The following SLC25A26 variants were observed in gnomAD, a reference collection of about 807,000 sequenced individuals.
The protein encoded by SLC25A26 is mitochondrial S-adenosylmethionine carrier protein.
SLC25A26 carries 36 observed loss-of-function variants against 37.8 expected under a neutral mutation model. The observed-to-expected ratio is 0.95, with a 90% CI of 0.73 to 1.26. The LOEUF (loss-of-function observed/expected upper bound fraction) is 1.26. SLC25A26 is among the 50% of genes most tolerant of loss of function. The probability of loss-of-function intolerance (pLI) is 0.00; values close to 1 mark genes in which losing one functional copy is unlikely to be tolerated. For synonymous variants in SLC25A26, 129 were observed against 122.5 expected (o/e 1.05, Z -0.35); for missense variants, 390 against 331.1 (o/e 1.18, Z -1.38).
chr3:66,306,568 C>T (rs989318271), intron 5 of SLC25A26, among the ~76,000 whole-genome samples: 27 of 152,068 alleles, frequency 1.8e-4, no homozygotes, highest in Admixed American at 6.6e-4. Context: ...TATACATGTG[C>T]CATGGTGGTT....
At chr3:66,360,546 A>G (rs138488590) in intron 6 of SLC25A26, among the ~76,000 whole-genome samples, 6 of 152,362 alleles carry the variant, frequency 3.9e-5, no homozygotes, top group African/African-American at 1.4e-4. Context: ...GCAAGGCTGC[A>G]GAATACAAGA....
intron 5 of SLC25A26, among the ~76,000 whole-genome samples, chr3:66,318,328 G>GATCTGTGGATTGCAAGA (rs1163284879): frequency 6.6e-6 from 1 of 152,194 alleles, no homozygotes; most frequent in Non-Finnish European, 1.5e-5. Context: ...GGGACCTGCT[G>GATCTGTGGATTGCAAGA]ATCTGTGGAT....
intron 1 of SLC25A26, among the ~76,000 whole-genome samples, chr3:66,150,128 T>A (rs1297325456): frequency 6.6e-6 from 1 of 152,046 alleles, no homozygotes; most frequent in Non-Finnish European, 1.5e-5. Context: ...AACCAGAAGA[T>A]CTAAAGGTAC....
At chr3:66,374,887 AAATT>A (rs745813034) in intron 9 of SLC25A26, among the ~76,000 whole-genome samples, 31 of 151,750 alleles carry the variant, frequency 2.0e-4, no homozygotes, top group East Asian at 5.8e-4. Flanking sequence ...TCAAAAAAAA[AAATT>A]AATTAATTAA....
chr3:66,153,944 C>T (rs2070242340), intron 1 of SLC25A26, among the ~76,000 whole-genome samples: 2 of 152,174 alleles, frequency 1.3e-5, no homozygotes, highest in Admixed American at 6.5e-5. Flanking sequence ...TCCTTTCTGT[C>T]CGTAATGTGA....
At chr3:66,182,230 G>C (rs567641692) in intron 1 of SLC25A26, among the ~76,000 whole-genome samples, 1 of 152,182 alleles carries the variant, frequency 6.6e-6, no homozygotes, top group Non-Finnish European at 1.5e-5. Flanking sequence ...GAGGAAGTTT[G>C]TTGGGCTCTC....
At chr3:66,180,544 C>T (rs1423237776) in intron 1 of SLC25A26, among the ~76,000 whole-genome samples, 1 of 152,212 alleles carries the variant, frequency 6.6e-6, no homozygotes, top group Admixed American at 6.5e-5. Context: ...AGGCAGAGAA[C>T]AGAAACATGT....
chr3:66,156,755 G>A (rs1576600899), intron 1 of SLC25A26, among the ~76,000 whole-genome samples: 1 of 152,056 alleles, frequency 6.6e-6, no homozygotes, highest in Non-Finnish European at 1.5e-5. Context: ...GCCACACTCC[G>A]AGATCCACCT....
chr3:66,239,930 ACTCT>A (rs1438886768), intron 2 of SLC25A26, among the ~76,000 whole-genome samples: 2 of 146,886 alleles, frequency 1.4e-5, no homozygotes, highest in African/African-American at 5.1e-5. Context: ...AAGCAATTTG[ACTCT>A]CTCTTGTAAT....
intron 1 of SLC25A26, among the ~76,000 whole-genome samples, chr3:66,185,712 C>G (rs1392909721): frequency 5.3e-5 from 8 of 152,072 alleles, no homozygotes; most frequent in Non-Finnish European, 1.0e-4. Context: ...TGTGCTAGAG[C>G]CTGACCGTGG....
rs374273216 is a variant in SLC25A26 at position 66,301,223 on chromosome 3, CTT to C, written c.453+37845_453+37846del. Among the ~76,000 whole-genome samples the C allele has an allele frequency of 1.6e-3, 251 of 152,304 alleles. 1 individual carries two copies. Among genetic ancestry groups the C allele is most frequent in the African/African-American group, 5.7e-3 (237 of 41,568 alleles). On this transcript the variant is annotated intron_variant, in intron 5 of 9. Transcript: ENST00000354883. ...CCCTGAATTTATTATAGCAATTTCT[CTT>C]GTTTTAAAATGAAGTGAAATGTGAA...
At chr3:66,194,486 G>T (rs969064932) in intron 1 of SLC25A26, among the ~76,000 whole-genome samples, 7 of 152,198 alleles carry the variant, frequency 4.6e-5, no homozygotes, top group African/African-American at 1.7e-4. Flanking sequence ...AGAACGAATG[G>T]AATTTTATAA....
intron 1 of SLC25A26, among the ~76,000 whole-genome samples, chr3:66,177,826 G>T (rs908905839): frequency 1.3e-5 from 2 of 152,200 alleles, no homozygotes; most frequent in African/African-American, 4.8e-5. Flanking sequence ...AATACATGTG[G>T]CTCATTCCCT....
Position 66,148,430 on chromosome 3 carries a change from G to A in SLC25A26, c.-354+14446G>A, listed in dbSNP as rs534141350. ...CAGAGCCTGGGGAAAGCTTGGGGCT[G>A]ACAGGACCATGGCGAGGATGGAGGG... On this transcript the variant is annotated intron_variant, in intron 1 of 10. Transcript: ENST00000676754. 2.5e-4 allele frequency among the ~76,000 whole-genome samples: 38 copies of A among 152,318 alleles called. No homozygotes were observed. In the East Asian group the frequency reaches 7.1e-3, roughly 29 times the overall value.
chr3:66,367,711 G>C (rs868500258), intron 7 of SLC25A26, among the ~76,000 whole-genome samples: 1 of 137,952 alleles, frequency 7.2e-6, no homozygotes, highest in African/African-American at 3.3e-5. Flanking sequence ...CAGACACAGA[G>C]AGAGAGAGAG....
chr3:66,203,295 C>A (rs2071132892), intron 1 of SLC25A26, among the ~76,000 whole-genome samples: 1 of 151,898 alleles, frequency 6.6e-6, no homozygotes, highest in South Asian at 2.1e-4. Context: ...GTGGGAGGAT[C>A]ACCTGAGCCC....
At chr3:66,327,381 G>A (rs2075864474) in intron 5 of SLC25A26, among the ~76,000 whole-genome samples, 1 of 152,084 alleles carries the variant, frequency 6.6e-6, no homozygotes, top group Non-Finnish European at 1.5e-5. Context: ...AAGGCACTTT[G>A]TCTGTATTAT....
intron 5 of SLC25A26, among the ~76,000 whole-genome samples, chr3:66,341,380 C>T (rs1201838294): frequency 1.3e-5 from 2 of 152,098 alleles, no homozygotes; most frequent in Non-Finnish European, 2.9e-5. Context: ...TTTGACATTG[C>T]CATTATCTTC....
chr3:66,241,467 A>G (rs2072580995), intron 2 of SLC25A26, among the ~76,000 whole-genome samples: 1 of 152,196 alleles, frequency 6.6e-6, no homozygotes, highest in South Asian at 2.1e-4. Flanking sequence ...GGGAAGATGT[A>G]CAATTAGCTG....
Sources: gnomAD v4.1 joint callset for allele counts (sites outside exome capture counted in the v4.1 genomes callset) on GRCh38, gnomAD v4.1.1 for gene constraint, MANE v1.5 for transcripts, NCBI Gene and HGNC (gene_info 2026-07-23, HGNC 2026-07-21) for gene names.